ADAMTSL1: variants seen among roughly 807,000 people sequenced by gnomAD.
ADAMTSL1 encodes the protein ADAMTS like 1, also known as ADAMTS-like protein 1.
ADAMTSL1 carries 126 observed loss-of-function variants against 201.8 expected under a neutral mutation model. The observed-to-expected ratio is 0.62, with a 90% confidence interval of 0.54 to 0.72. ADAMTSL1 has a LOEUF of 0.72. ADAMTSL1 is among the 30% of genes least tolerant of loss of function. ADAMTSL1 has a pLI of 0.00. For synonymous variants in ADAMTSL1, 1,121 were observed against 903.4 expected (o/e 1.24, Z -4.32); for missense variants, 2,679 against 2,277.8 (o/e 1.18, Z -3.59).
intron 2 of ADAMTSL1, among the ~76,000 whole-genome samples, chr9:18,167,557 T>C (rs1216823687): frequency 6.6e-6 from 1 of 151,980 alleles, no homozygotes; most frequent in Admixed American, 6.6e-5. Context: ...CTAAAAATGA[T>C]TCTGCTTTAA....
intron 1 of ADAMTSL1, among the ~76,000 whole-genome samples, chr9:17,977,332 G>A (rs921178968): frequency 1.3e-5 from 2 of 152,008 alleles, no homozygotes; most frequent in African/African-American, 4.8e-5. Flanking sequence ...AGCAATGCTG[G>A]CCTTATAAAA....
At chr9:18,223,571 C>A (rs2132371584) in intron 2 of ADAMTSL1, among the ~76,000 whole-genome samples, 1 of 152,124 alleles carries the variant, frequency 6.6e-6, no homozygotes, top group African/African-American at 2.4e-5. Context: ...ATAAATTATA[C>A]TTTTCATCTC....
In ADAMTSL1 at chr9:18,777,624, T is replaced by C; in HGVS notation, c.3395T>C (p.Leu1132Pro). The C allele has an allele frequency of 6.2e-7, 1 of 1,613,642 alleles. No individual in the cohort carries two copies. Among genetic ancestry groups the C allele is most frequent in the Non-Finnish European group, 8.5e-7 (1 of 1,179,824 alleles). Residue 1132 changes from leucine (L) to proline (P), a missense_variant, in exon 19 of 29, where the codon CTC becomes CCC. Leu to Pro is a moderately conservative substitution (Grantham distance 98, BLOSUM62 -3). Coordinates refer to ENST00000380548, the MANE Select transcript of ADAMTSL1 (RefSeq NM_001040272.6). The stretch of plus-strand genomic sequence containing the variant: ...GAGCGCAGGACTTCCCCAGTGACTC[T>C]CTCGCCTCATAAACACGTGTCTGGC... ...PSERRTSPVT[L>P]SPHKHVSGFS...
Position 18,011,767 on chromosome 9 carries a change from C to G in ADAMTSL1, c.87+104845C>G, listed in dbSNP as rs925816658. Among the ~76,000 whole-genome samples the G allele has an allele frequency of 1.1e-4, 16 of 152,046 alleles. No homozygotes were observed. The South Asian group carries it at 2.7e-3, about 26-fold the overall frequency. On this transcript the variant is annotated intron_variant, in intron 1 of 29. Transcript: ENST00000680146. Reference sequence around the variant, plus strand: ...AGCCTAAAGGGGTTTTGTGGCTTGCCCAAGCTCACACAACCAGTGCATAAT... The same window carrying G: ...AGCCTAAAGGGGTTTTGTGGCTTGCGCAAGCTCACACAACCAGTGCATAAT...
chr9:18,034,090 C>A (rs752332166), intron 1 of ADAMTSL1, among the ~76,000 whole-genome samples: 1 of 152,036 alleles, frequency 6.6e-6, no homozygotes, highest in Non-Finnish European at 1.5e-5. Flanking sequence ...CAATTGTTTC[C>A]TTATATCTCT....
chr9:18,794,862 G>A (rs1350262252), intron 19 of ADAMTSL1, among the ~76,000 whole-genome samples: 3 of 152,022 alleles, frequency 2.0e-5, no homozygotes, highest in Admixed American at 6.5e-5. Context: ...GGCTGTTCTT[G>A]AACTCCTGGT....
At chr9:18,003,194 C>T (rs1349911406) in intron 1 of ADAMTSL1, among the ~76,000 whole-genome samples, 2 of 151,976 alleles carry the variant, frequency 1.3e-5, no homozygotes, top group African/African-American at 4.8e-5. Flanking sequence ...GAGTCCTTCC[C>T]AGTTCCACGC....
At chr9:18,134,048 A>G (rs1231611111) in intron 1 of ADAMTSL1, among the ~76,000 whole-genome samples, 1 of 152,218 alleles carries the variant, frequency 6.6e-6, no homozygotes, top group Non-Finnish European at 1.5e-5. Flanking sequence ...GGGACACATA[A>G]TTCTTTAAGT....
At chr9:18,463,083 G>A (rs4590536) in intron 2 of ADAMTSL1, among the ~76,000 whole-genome samples, 83,944 of 151,988 alleles carry the variant, frequency 0.55, 23,378 homozygotes, top group African/African-American at 0.59. Flanking sequence ...AAATCCAATC[G>A]ACATATTTGA....
chr9:18,362,239 T>A (rs1836558340), intron 2 of ADAMTSL1: 1 of 152,184 alleles, frequency 6.6e-6, no homozygotes. Context: ...TAGAGCAGAA[T>A]GCAAAAGCAG....
At chr9:18,643,150 T>A (rs1161590236) in intron 7 of ADAMTSL1, among the ~76,000 whole-genome samples, 1 of 151,932 alleles carries the variant, frequency 6.6e-6, no homozygotes, top group Non-Finnish European at 1.5e-5. Flanking sequence ...ATTATAGTAC[T>A]GAATGCCTTT....
intron 2 of ADAMTSL1, among the ~76,000 whole-genome samples, chr9:18,278,873 C>T (rs1301091872): frequency 1.3e-5 from 2 of 151,554 alleles, no homozygotes; most frequent in Non-Finnish European, 2.9e-5. Context: ...CCTTTTTATT[C>T]CTCTGACTGG....
intron 3 of ADAMTSL1, among the ~76,000 whole-genome samples, chr9:18,541,218 C>A (rs146814400): frequency 2.4e-4 from 37 of 152,230 alleles, no homozygotes; most frequent in African/African-American, 8.4e-4. Context: ...AAGGCTATTA[C>A]GATGTATGAG....
At chr9:18,567,029 T>C (rs1360343239) in intron 3 of ADAMTSL1, among the ~76,000 whole-genome samples, 1 of 152,160 alleles carries the variant, frequency 6.6e-6, no homozygotes, top group Admixed American at 6.6e-5. Flanking sequence ...CCTGGGATCT[T>C]GTTTGAAATG....
At chr9:18,548,661 C>T (rs960230686) in intron 3 of ADAMTSL1, among the ~76,000 whole-genome samples, 1 of 152,036 alleles carries the variant, frequency 6.6e-6, no homozygotes, top group African/African-American at 2.4e-5. Flanking sequence ...TTTGCTAATT[C>T]AGCATTTATG....
At chr9:18,347,133 T>G (rs1263490700) in intron 2 of ADAMTSL1, among the ~76,000 whole-genome samples, 11 of 152,188 alleles carry the variant, frequency 7.2e-5, no homozygotes, top group Admixed American at 6.5e-4. Context: ...CTTTTCCTCC[T>G]TATGTGAATG....
chr9:18,711,585 C>T (rs570808898), intron 14 of ADAMTSL1, among the ~76,000 whole-genome samples: 59 of 152,242 alleles, frequency 3.9e-4, no homozygotes, highest in South Asian at 6.2e-4. Flanking sequence ...GCACCTGGCT[C>T]GGAGGGTCCT....
chr9:18,100,642 C>A (rs1824473530), intron 1 of ADAMTSL1, among the ~76,000 whole-genome samples: 1 of 152,052 alleles, frequency 6.6e-6, no homozygotes, highest in Admixed American at 6.5e-5. Context: ...TTTCCTTTTT[C>A]TGTGAAATTT....
intron 13 of ADAMTSL1, among the ~76,000 whole-genome samples, chr9:18,694,946 C>T (rs1831461282): frequency 1.3e-5 from 2 of 152,256 alleles, no homozygotes; most frequent in Non-Finnish European, 2.9e-5. Context: ...TCCCAAGCTT[C>T]AACTCCTGCC....
Sources: allele counts gnomAD v4.1 joint callset (sites outside exome capture counted in the v4.1 genomes callset), GRCh38; gene constraint gnomAD v4.1.1; transcripts MANE v1.5; gene names NCBI Gene and HGNC (gene_info 2026-07-23, HGNC 2026-07-21).